ZNF648: variants seen among roughly 807,000 people sequenced by gnomAD.
The protein encoded by ZNF648 is zinc finger protein 648.
A neutral mutation model predicts 0.3 loss-of-function variants in ZNF648; 1 was observed. That is an observed-to-expected ratio of 3.90 (90% CI 1.39 to 18.51). ZNF648 has a LOEUF of 18.51. Among genes scored for constraint, ZNF648 ranks in the 30% most tolerant of loss-of-function variants. The probability of loss-of-function intolerance (pLI) is 0.11; values close to 1 mark genes in which losing one functional copy is unlikely to be tolerated. For missense variants in ZNF648, 874 were observed against 769.7 expected (o/e 1.14, Z -1.60); for synonymous variants, 376 against 326.8 (o/e 1.15, Z -1.62).
intron 1 of ZNF648, among the ~76,000 whole-genome samples, chr1:182,058,663 C>T (rs560503809): frequency 7.9e-5 from 12 of 152,258 alleles, no homozygotes; most frequent in East Asian, 1.9e-4. Context: ...ACTGATTAAG[C>T]GGGGCTTCTC....
chr1:182,067,056 G>A, the ZNF648 span, among the ~76,000 whole-genome samples: 3 of 152,262 alleles, frequency 2.0e-5, no homozygotes, highest in South Asian at 6.2e-4. Context: ...TGCTACACTT[G>A]GCACACGTGG....
upstream of ZNF648, among the ~76,000 whole-genome samples, chr1:182,066,480 T>C (rs1423213167): frequency 6.6e-6 from 1 of 152,126 alleles, no homozygotes; most frequent in Non-Finnish European, 1.5e-5. Context: ...TGAGGAGGAG[T>C]GATAGAGGCA....
chr1:182,057,021 T>A lies in ZNF648; in HGVS notation c.990A>T (p.Thr330=), dbSNP rs1182839789. 2.5e-6 allele frequency: 4 copies of A among 1,610,434 alleles called. No individual in the cohort carries two copies. The highest frequency in any genetic ancestry group is 2.7e-5 in the African/African-American group (2 of 73,848). The change falls in exon 2 of 2, where the codon ACA becomes ACT. Residue 330 remains threonine, a synonymous_variant. Transcript: ENST00000339948. ...SDHRKHIRTH[T]GEKPYPCPDC... is the part of the protein sequence containing the mutation. Reference sequence around the variant, plus strand: ...CTGGACACGGGTAGGGTTTCTCGCCTGTGTGGGTGCGGATGTGCTTCCGGT... The same window carrying A: ...CTGGACACGGGTAGGGTTTCTCGCCAGTGTGGGTGCGGATGTGCTTCCGGT...
At chr1:182,066,413 A>T (rs1666101162), upstream of ZNF648, among the ~76,000 whole-genome samples, 2 of 152,198 alleles carry the variant, frequency 1.3e-5, no homozygotes, top group African/African-American at 4.8e-5. Flanking sequence ...AAACAGTGTG[A>T]ATGGTTGGTG....
rs1417549148 is a variant in ZNF648 at position 182,061,676 on chromosome 1, T to C, written c.-172A>G. ...CAAATCAGCAGAGATGGTGTCTCTG[T>C]CTCTCACGCTTTGTGTCCAGTCCAG... is the stretch of plus-strand genomic sequence containing the variant. On this transcript the variant is annotated 5_prime_UTR_variant, in exon 1 of 2. Transcript: ENST00000339948. 2 of 152,390 alleles carry C rather than the reference T, an allele frequency of 1.3e-5. No individual in the cohort carries two copies. Among genetic ancestry groups the C allele is most frequent in the Admixed American group, 1.3e-4 (2 of 15,274 alleles). The allele number at this position is 152,390 out of a possible 1,614,324, so 9.4% of individuals were successfully genotyped here. A position where few individuals can be genotyped will look rare whatever the true frequency, so the allele number is the denominator to read the frequency against.
In ZNF648 at chr1:182,054,739, T is replaced by C. The variant is rs946250426; in HGVS notation, c.*1565A>G. 6.6e-5 allele frequency: 10 copies of C among 152,246 alleles called. No homozygotes were observed. Among genetic ancestry groups the C allele is most frequent in the Non-Finnish European group, 1.2e-4 (8 of 68,038 alleles). The allele number at this position is 152,246 out of a possible 1,614,324, so 9.4% of individuals were successfully genotyped here. A position where few individuals can be genotyped will look rare whatever the true frequency, so the allele number is the denominator to read the frequency against. On this transcript the variant is annotated 3_prime_UTR_variant, in exon 2 of 2. Coordinates refer to ENST00000339948, the MANE Select transcript of ZNF648 (RefSeq NM_001009992.1). ...TCTAACTTTTACCTACTACTATCACTTCTATTTTGCCAATGCAGATGCAGA... is the reference window on the plus strand; with the variant it reads ...TCTAACTTTTACCTACTACTATCACCTCTATTTTGCCAATGCAGATGCAGA...
At position 182,055,491 on chromosome 1, in the gene ZNF648, CA is replaced by C. The variant is rs1665891453; in HGVS notation, c.*812del. On this transcript the variant is annotated 3_prime_UTR_variant, in exon 2 of 2. Coordinates refer to ENST00000339948, the MANE Select transcript of ZNF648 (RefSeq NM_001009992.1). The surrounding 1 kb of genome is among the most constrained non-coding windows in gnomAD (Gnocchi z 4.1). ...ATGACTTAAGCCCTCAGAGTGCAAA[CA>C]GGAAAAGAGGCAGCCAGAGAGAAGG... 1 of 152,102 alleles carries C rather than the reference CA, an allele frequency of 6.6e-6. No homozygotes were observed. Among genetic ancestry groups the C allele is most frequent in the Non-Finnish European group, 1.5e-5 (1 of 68,026 alleles). The allele number at this position is 152,102 out of a possible 1,614,324, so 9.4% of individuals were successfully genotyped here. A position where few individuals can be genotyped will look rare whatever the true frequency, so the allele number is the denominator to read the frequency against.
chr1:182,059,081 G>A (rs2332967), intron 1 of ZNF648, among the ~76,000 whole-genome samples: 109,883 of 152,036 alleles, frequency 0.72, 41,414 homozygotes, highest in Non-Finnish European at 0.84. Context: ...TCGGCCTCCC[G>A]AAGTGCTGGG....
At chr1:182,065,455 T>C (rs57503856), upstream of ZNF648, among the ~76,000 whole-genome samples, 12,875 of 152,230 alleles carry the variant, frequency 0.085, 1,172 homozygotes, top group South Asian at 0.22. Flanking sequence ...ACAGCCTGTT[T>C]TCCATCATGC....
intron 1 of ZNF648, among the ~76,000 whole-genome samples, chr1:182,059,605 A>C (rs1665998196): frequency 6.6e-6 from 1 of 152,120 alleles, no homozygotes; most frequent in Non-Finnish European, 1.5e-5. Flanking sequence ...CTCTCAGCAA[A>C]CTTTAAGATA....
In ZNF648 at chr1:182,057,867, G is replaced by A. The variant is rs1665964730; in HGVS notation, c.144C>T (p.Thr48=). 2.5e-6 allele frequency: 4 copies of A among 1,613,996 alleles called. No homozygotes were observed. The highest frequency in any genetic ancestry group is 3.4e-6 in the Non-Finnish European group (4 of 1,180,032). ...EDGGEAEKEG[T]ADPVACPRGS... ...CCCTTGGACAGGCCACCGGGTCAGC[G>A]GTGCCCTCTTTTTCGGCCTCCCCAC... The change falls in exon 2 of 2, where the codon ACC becomes ACT. Residue 48 remains threonine, a synonymous_variant. Coordinates refer to ENST00000339948, the MANE Select transcript of ZNF648 (RefSeq NM_001009992.1).
intron 1 of ZNF648, among the ~76,000 whole-genome samples, chr1:182,060,253 T>C (rs1666009348): frequency 6.6e-6 from 1 of 152,212 alleles, no homozygotes; most frequent in East Asian, 1.9e-4. Flanking sequence ...CTCAAGAGTA[T>C]TAGTCACTGA....
upstream of ZNF648, chr1:182,064,038 C>G (rs140058824): frequency 5.3e-5 from 8 of 152,198 alleles, no homozygotes; most frequent in African/African-American, 1.7e-4. Context: ...TTTCTAAGTT[C>G]TCTTTCTGTT....
rs1208286662 is a variant in ZNF648 at position 182,057,332 on chromosome 1, C to G, written c.679G>C (p.Ala227Pro). The G allele has an allele frequency of 6.2e-7, 1 of 1,608,954 alleles. No individual in the cohort carries two copies. The highest frequency in any genetic ancestry group is 2.2e-5 in the East Asian group (1 of 44,874). The change falls in exon 2 of 2, where the codon GCG becomes CCG. Residue 227 changes from alanine to proline, a missense_variant. Coordinates refer to ENST00000339948, the MANE Select transcript of ZNF648 (RefSeq NM_001009992.1). ...TTCTGTACTTTCCTGCTGTTCCGCG[C>G]TTTTGCCAGGACCGCGGCAGCCAGG... is the stretch of plus-strand genomic sequence containing the variant. ...ASLAAAVLAK[A>P]RNSRKVQNQA...
In ZNF648 at chr1:182,056,814, C is replaced by A; in HGVS notation, c.1197G>T (p.Arg399=). 6.4e-7 allele frequency: 1 copy of A among 1,554,648 alleles called. No individual in the cohort carries two copies. The highest frequency in any genetic ancestry group is 8.7e-7 in the Non-Finnish European group (1 of 1,149,014). Residue 399 remains arginine, a synonymous_variant, in exon 2 of 2, where the codon CGG becomes CGT. Coordinates refer to ENST00000339948, the MANE Select transcript of ZNF648 (RefSeq NM_001009992.1). ...CCATGCGGCTGGCCACAGCGAACTC[C>A]CGGTCGCAGGCGGGGCAGCGGAAGG... ...AKPFRCPACD[R]EFAVASRMVE...
Position 182,056,634 on chromosome 1 carries a change from C to T in ZNF648, c.1377G>A (p.Gln459=), listed in dbSNP as rs967667994. 1 of 1,611,212 alleles carries T rather than the reference C, an allele frequency of 6.2e-7. No individual in the cohort carries two copies. The highest frequency in any genetic ancestry group is 8.5e-7 in the Non-Finnish European group (1 of 1,178,790). The change falls in exon 2 of 2, where the codon CAG becomes CAA. Residue 459 remains glutamine (Q), a synonymous_variant. Coordinates refer to ENST00000339948, the MANE Select transcript of ZNF648 (RefSeq NM_001009992.1). ...GCTGGTGGCGCACGAGGCGCGAGGG[C>T]TGCGCGAAGGCCACGCCGCAGTCAG... The part of the protein sequence containing the change: ...KCADCGVAFA[Q]PSRLVRHQRI...
At position 182,055,459 on chromosome 1, in the gene ZNF648, A is replaced by G. The variant is rs148266446; in HGVS notation, c.*845T>C. 2.1e-3 allele frequency: 319 copies of G among 152,326 alleles called. 4 individuals carry two copies. Among genetic ancestry groups the G allele is most frequent in the African/African-American group, 7.4e-3 (308 of 41,570 alleles). The allele number at this position is 152,326 out of a possible 1,614,324, so 9.4% of individuals were successfully genotyped here. On this transcript the variant is annotated 3_prime_UTR_variant, in exon 2 of 2. Coordinates refer to ENST00000339948, the MANE Select transcript of ZNF648 (RefSeq NM_001009992.1). This position sits in a 1 kb window ranked among gnomAD's most constrained non-coding sequence, Gnocchi z 4.1. ...TAAATGGGCCAATTGCTTTGTAAAT[A>G]TCACATATGACTTAAGCCCTCAGAG...
the ZNF648 span, among the ~76,000 whole-genome samples, chr1:182,067,037 G>A: frequency 6.6e-6 from 1 of 152,182 alleles, no homozygotes; most frequent in Non-Finnish European, 1.5e-5. Context: ...ACCTGGGTCT[G>A]TCATCGCGTG....
In ZNF648 at chr1:182,057,933, G is replaced by C; in HGVS notation, c.78C>G (p.Thr26=). Residue 26 remains threonine, a synonymous_variant, in exon 2 of 2, where the codon ACC becomes ACG. Transcript: ENST00000339948. Reference sequence around the variant, plus strand: ...TCTCTAAGTTCATGCTCAGCATCTGGGTGTCATGAGCTTCCTCAGTCAAGC... The same window carrying C: ...TCTCTAAGTTCATGCTCAGCATCTGCGTGTCATGAGCTTCCTCAGTCAAGC... ...LSSLTEEAHD[T]QMLSMNLESD... The C allele has an allele frequency of 6.2e-7, 1 of 1,614,016 alleles. No individual in the cohort carries two copies. The highest frequency in any genetic ancestry group is 8.5e-7 in the Non-Finnish European group (1 of 1,180,020).
Sources: allele counts gnomAD v4.1 joint callset (sites outside exome capture counted in the v4.1 genomes callset), GRCh38; gene constraint gnomAD v4.1.1; non-coding constraint Gnocchi (gnomAD v3.1); transcripts MANE v1.5; gene names NCBI Gene and HGNC (gene_info 2026-07-23, HGNC 2026-07-21).